Variants in RABGAP1L observed in about 807,000 individuals in gnomAD.
RABGAP1L encodes RAB GTPase activating protein 1 like, also known as rab GTPase-activating protein 1-like.
Under a neutral mutation model 137.7 loss-of-function variants are expected in RABGAP1L, and 63 were observed. The observed-to-expected ratio is 0.46, with a 90% confidence interval of 0.37 to 0.56. RABGAP1L has a LOEUF of 0.56. Among genes scored for constraint, RABGAP1L ranks in the 20% least tolerant of loss-of-function variants. RABGAP1L has a pLI of 0.00. For missense variants in RABGAP1L, 1,095 were observed against 1,244.0 expected (o/e 0.88, Z 1.80); for synonymous variants, 431 against 433.7 (o/e 0.99, Z 0.08).
At chr1:174,703,857 T>C (rs1004026072) in intron 17 of RABGAP1L, among the ~76,000 whole-genome samples, 1 of 152,244 alleles carries the variant, frequency 6.6e-6, no homozygotes, top group Admixed American at 6.5e-5. Flanking sequence ...TTTTTTCATA[T>C]GCTCATTGGC....
intron 13 of RABGAP1L, among the ~76,000 whole-genome samples, chr1:174,409,313 A>G (rs956541082): frequency 2.6e-5 from 4 of 152,142 alleles, no homozygotes; most frequent in African/African-American, 7.2e-5. Context: ...TTTCATGGAC[A>G]TTTATCAGTC....
intron 13 of RABGAP1L, among the ~76,000 whole-genome samples, chr1:174,622,792 C>T (rs141147033): frequency 8.5e-5 from 13 of 152,290 alleles, no homozygotes; most frequent in South Asian, 4.1e-4. Context: ...CAGCATGGCA[C>T]ATGTATACAT....
chr1:174,520,935 A>G (rs1202553191), intron 13 of RABGAP1L, among the ~76,000 whole-genome samples: 5 of 152,214 alleles, frequency 3.3e-5, no homozygotes, highest in Admixed American at 6.5e-5. Context: ...CAGGAGGCGC[A>G]GTTTGCCGTG....
chr1:174,772,556 A>G (rs1421065460), intron 18 of RABGAP1L, among the ~76,000 whole-genome samples: 3 of 138,438 alleles, frequency 2.2e-5, no homozygotes, highest in East Asian at 2.2e-4. Flanking sequence ...CAACAGAGCA[A>G]GACTCCATCT....
intron 19 of RABGAP1L, among the ~76,000 whole-genome samples, chr1:174,850,401 C>T (rs1648097812): frequency 6.6e-6 from 1 of 152,082 alleles, no homozygotes. Flanking sequence ...GTTATTATTC[C>T]CAGGGAACAG....
At chr1:174,981,354 G>A (rs535897919) in intron 23 of RABGAP1L, among the ~76,000 whole-genome samples, 3 of 152,154 alleles carry the variant, frequency 2.0e-5, no homozygotes, top group South Asian at 2.1e-4. Context: ...CCTACTAATG[G>A]TTCCTCAGGC....
chr1:174,161,753 A>G (rs951963709), intron 1 of RABGAP1L, among the ~76,000 whole-genome samples: 1 of 151,454 alleles, frequency 6.6e-6, no homozygotes, highest in African/African-American at 2.5e-5. Context: ...TAAAGAGACA[A>G]GGTCTCGCTC....
intron 19 of RABGAP1L, among the ~76,000 whole-genome samples, chr1:174,873,064 A>G (rs1434873203): frequency 2.0e-5 from 3 of 151,952 alleles, no homozygotes; most frequent in African/African-American, 7.2e-5. Context: ...CCTCTAAACC[A>G]TATTTCCTTT....
At chr1:174,783,387 A>G (rs1358041095) in intron 18 of RABGAP1L, among the ~76,000 whole-genome samples, 5 of 152,072 alleles carry the variant, frequency 3.3e-5, no homozygotes, top group Non-Finnish European at 1.5e-5. Context: ...AAGGCTTCCT[A>G]CCATGTTGGG....
intron 14 of RABGAP1L, among the ~76,000 whole-genome samples, chr1:174,667,081 A>G (rs550566643): frequency 6.6e-6 from 1 of 152,162 alleles, no homozygotes. Context: ...TATTAAGCCT[A>G]TCAACTCTCT....
At chr1:174,691,959 A>C (rs1325677964) in intron 15 of RABGAP1L, among the ~76,000 whole-genome samples, 4 of 152,180 alleles carry the variant, frequency 2.6e-5, no homozygotes, top group African/African-American at 9.7e-5. Flanking sequence ...ATTGAGGGAT[A>C]AGCTGAATAG....
intron 18 of RABGAP1L, among the ~76,000 whole-genome samples, chr1:174,780,567 T>C (rs1473534039): frequency 6.6e-6 from 1 of 152,226 alleles, no homozygotes; most frequent in Admixed American, 6.5e-5. Context: ...GCTTTTGATA[T>C]ATATATATAT....
chr1:174,882,698 A>T (rs1319863003), intron 19 of RABGAP1L, among the ~76,000 whole-genome samples: 1 of 152,244 alleles, frequency 6.6e-6, no homozygotes, highest in African/African-American at 2.4e-5. Flanking sequence ...AAAAACAATA[A>T]GGAAGCCAAG....
At chr1:174,561,292 A>G (rs143038043) in intron 13 of RABGAP1L, among the ~76,000 whole-genome samples, 9,243 of 152,186 alleles carry the variant, frequency 0.061, 995 homozygotes, top group African/African-American at 0.21. Context: ...CCTAGGAATA[A>G]AACTTACAGG....
chr1:174,165,913 T>C (rs986425089), intron 1 of RABGAP1L, among the ~76,000 whole-genome samples: 2 of 152,102 alleles, frequency 1.3e-5, no homozygotes, highest in Admixed American at 1.3e-4. Flanking sequence ...CATACAAGCA[T>C]AGACAGGGAA....
In RABGAP1L at chr1:174,485,953, G is replaced by A. The variant is rs1226280145; in HGVS notation, c.1710+91808G>A. The stretch of plus-strand genomic sequence containing the variant: ...TAAATGTTTGGTAGAAATCAGCAGC[G>A]AAGCCATCAGGTCCTGGACTTTTCT... On this transcript the variant is annotated intron_variant, in intron 13 of 25. Transcript: ENST00000681986. Among the ~76,000 whole-genome samples, 4 of 152,110 alleles carry A rather than the reference G, an allele frequency of 2.6e-5. No individual in the cohort carries two copies. The East Asian group carries it at 5.8e-4, about 22-fold the overall frequency.
At position 174,436,734 on chromosome 1, in the gene RABGAP1L, CCT is replaced by C. The variant is rs1653371003; in HGVS notation, c.1710+42590_1710+42591del. On this transcript the variant is annotated intron_variant, in intron 13 of 25. Transcript: ENST00000681986. ...TTTAGACATGAAGTCCTTGTCCATG[CCT>C]ATGCTTGAGATCTCAGAATGGGCAG... Among the ~76,000 whole-genome samples, 5 of 152,222 alleles carry C rather than the reference CCT, an allele frequency of 3.3e-5. No homozygotes were observed. The South Asian group carries it at 1.0e-3, about 32-fold the overall frequency.
intron 19 of RABGAP1L, among the ~76,000 whole-genome samples, chr1:174,850,414 C>G (rs1648102163): frequency 6.6e-6 from 1 of 152,180 alleles, no homozygotes; most frequent in African/African-American, 2.4e-5. Flanking sequence ...GGGAACAGAA[C>G]TGGGACTGAG....
chr1:174,744,658 A>G (rs1391440952), intron 17 of RABGAP1L, among the ~76,000 whole-genome samples: 1 of 152,224 alleles, frequency 6.6e-6, no homozygotes, highest in Admixed American at 6.5e-5. Flanking sequence ...CAGTAGACAT[A>G]TCGAGTTGAG....
Sources: allele counts gnomAD v4.1 joint callset (sites outside exome capture counted in the v4.1 genomes callset), GRCh38; gene constraint gnomAD v4.1.1; transcripts MANE v1.5; gene names NCBI Gene and HGNC (gene_info 2026-07-23, HGNC 2026-07-21).